CLASP2: variants seen among roughly 807,000 people sequenced by gnomAD.
CLASP2 encodes cytoplasmic linker associated protein 2.
Under a neutral mutation model 194.4 loss-of-function variants are expected in CLASP2, and 47 were observed. The observed-to-expected ratio is 0.24, with a 90% CI of 0.19 to 0.31. The LOEUF is 0.31. CLASP2 is among the 10% of genes least tolerant of loss of function. CLASP2 has a pLI of 1.00. For missense variants in CLASP2, 1,445 were observed against 1,823.6 expected, an observed-to-expected ratio of 0.79 and a Z score of 3.78; for synonymous variants, 619 against 633.5, an observed-to-expected ratio of 0.98 and a Z score of 0.34.
At chr3:33,559,036 C>A in intron 29 of CLASP2, 1 of 510,378 alleles carries the variant, frequency 2.0e-6, no homozygotes, top group Non-Finnish European at 3.6e-6. Flanking sequence ...GCGTAAAAGG[C>A]TTACAAAGGT....
chr3:33,573,278 G>A lies in CLASP2; in HGVS notation c.2531C>T (p.Ala844Val). ...AGAACTATAGGAGCGTTCTGAACAAGCACTAGATGCATCGCTGTTGGCGTC... is the reference window on the plus strand; with the variant it reads ...AGAACTATAGGAGCGTTCTGAACAAACACTAGATGCATCGCTGTTGGCGTC... ...DDDANSDASSACSERSYSSRN... is the reference protein window; with the variant it reads ...DDDANSDASSVCSERSYSSRN... The change falls in exon 25 of 39, where the codon GCT (alanine) becomes GTT (valine). Residue 844 changes from alanine (A) to valine (V), a missense_variant. By Grantham distance (64) the Ala-to-Val change is moderately conservative. Coordinates refer to ENST00000682230, the MANE Select transcript of CLASP2 (RefSeq NM_001365631.1). 1 of 1,613,836 alleles carries A rather than the reference G, an allele frequency of 6.2e-7. No individual in the cohort carries two copies. Among genetic ancestry groups the A allele is most frequent in the Non-Finnish European group, 8.5e-7 (1 of 1,179,812 alleles).
chr3:33,656,038 T>C (rs539678234), intron 7 of CLASP2, among the ~76,000 whole-genome samples: 1 of 152,314 alleles, frequency 6.6e-6, no homozygotes, highest in South Asian at 2.1e-4. Context: ...TTTTTAACTC[T>C]ATCTGGTTTG....
intron 27 of CLASP2, among the ~76,000 whole-genome samples, chr3:33,562,009 T>C (rs2061866554): frequency 6.6e-6 from 1 of 152,228 alleles, no homozygotes; most frequent in Non-Finnish European, 1.5e-5. Context: ...ATTTTATTTC[T>C]TGAATTCCCT....
intron 1 of CLASP2, among the ~76,000 whole-genome samples, chr3:33,700,418 C>T (rs966618995): frequency 2.0e-5 from 3 of 151,964 alleles, no homozygotes; most frequent in Non-Finnish European, 4.4e-5. Flanking sequence ...AAGCAAGACA[C>T]TGTCTCAAAC....
At chr3:33,524,985 G>C (rs548606187) in intron 34 of CLASP2, among the ~76,000 whole-genome samples, 1 of 152,164 alleles carries the variant, frequency 6.6e-6, no homozygotes, top group African/African-American at 2.4e-5. Flanking sequence ...AGACATATAT[G>C]GTGCACACAG....
chr3:33,623,925 G>C (rs1201089285), intron 10 of CLASP2, among the ~76,000 whole-genome samples: 1 of 152,006 alleles, frequency 6.6e-6, no homozygotes, highest in Non-Finnish European at 1.5e-5. Flanking sequence ...CTACTGAACA[G>C]GGAAAAACAG....
intron 1 of CLASP2, among the ~76,000 whole-genome samples, chr3:33,709,426 T>C (rs143570754): frequency 3.3e-5 from 5 of 152,294 alleles, no homozygotes; most frequent in Admixed American, 2.6e-4. Flanking sequence ...GTTGACTATA[T>C]ATGTGTGGAT....
chr3:33,677,976 G>T (rs934647955), intron 6 of CLASP2, among the ~76,000 whole-genome samples: 8 of 128,480 alleles, frequency 6.2e-5, no homozygotes, highest in Non-Finnish European at 1.2e-4. Flanking sequence ...TAAAATTAAA[G>T]AATGTCCTTA....
rs1339185977 is a variant in CLASP2 at position 33,551,939 on chromosome 3, G to GC, written c.3010-545_3010-544insG. Among the ~76,000 whole-genome samples the GC allele has an allele frequency of 3.0e-5, 4 of 131,334 alleles. No individual in the cohort carries two copies. In the Admixed American group the frequency reaches 3.1e-4, roughly 10 times the overall value. The allele number at this position is 131,334 out of a possible 152,430, so 86.2% of individuals were successfully genotyped here. A position where few individuals can be genotyped will look rare whatever the true frequency, so the allele number is the denominator to read the frequency against. The stretch of plus-strand genomic sequence containing the variant: ...GGTAGCAATCAAGGTGGGCAATATA[G>GC]TTTTTTTTTTTTTTTTTGGTAAAAC... On this transcript the variant is annotated intron_variant, in intron 29 of 38. Transcript: ENST00000682230.
intron 18 of CLASP2, among the ~76,000 whole-genome samples, chr3:33,597,690 A>AAGCT (rs2070814233): frequency 1.3e-5 from 2 of 151,788 alleles, no homozygotes; most frequent in African/African-American, 4.8e-5. Flanking sequence ...CGTGAGTCTT[A>AAGCT]AGCTAGCTTC....
At chr3:33,708,496 ATATATATATGTATATATATG>A (rs1255013778) in intron 1 of CLASP2, among the ~76,000 whole-genome samples, 2,431 of 88,948 alleles carry the variant, frequency 0.027, 68 homozygotes, top group African/African-American at 0.087. Context: ...GTATGTATAT[ATATATATATGTATATATATG>A]TATATATGTA....
intron 6 of CLASP2, chr3:33,683,340 T>A (rs2090119392): frequency 6.6e-6 from 1 of 152,222 alleles, no homozygotes; most frequent in African/African-American, 2.4e-5. Context: ...TTCAGCTGAC[T>A]GCAGTGGTTC....
intron 10 of CLASP2, among the ~76,000 whole-genome samples, chr3:33,624,729 T>C (rs772817255): frequency 2.6e-5 from 4 of 152,086 alleles, no homozygotes; most frequent in Admixed American, 6.6e-5. Context: ...TCTATCAAAG[T>C]ACGTTCTTAT....
At chr3:33,708,482 G>A (rs1464917078) in intron 1 of CLASP2, among the ~76,000 whole-genome samples, 4 of 52,606 alleles carry the variant, frequency 7.6e-5, no homozygotes, top group African/African-American at 2.6e-4. Flanking sequence ...GTGTGTGTGT[G>A]TGTGTATGTA....
chr3:33,700,636 A>G (rs548106002), intron 1 of CLASP2, among the ~76,000 whole-genome samples: 1 of 152,106 alleles, frequency 6.6e-6, no homozygotes, highest in African/African-American at 2.4e-5. Context: ...ACCTGAGGTC[A>G]GGAGTTCGAG....
intron 23 of CLASP2, among the ~76,000 whole-genome samples, chr3:33,579,662 T>C (rs1158132717): frequency 6.6e-6 from 1 of 152,208 alleles, no homozygotes; most frequent in Non-Finnish European, 1.5e-5. Flanking sequence ...GTGCTCATTA[T>C]GTGTCAAGCA....
At position 33,717,941 on chromosome 3, in the gene CLASP2, C is replaced by A. The variant is rs1442849766; in HGVS notation, c.62G>T (p.Arg21Leu). The A allele has an allele frequency of 1.3e-6, 2 of 1,546,936 alleles. No homozygotes were observed. The highest frequency in any genetic ancestry group is 4.9e-5 in the East Asian group (2 of 40,934). Residue 21 changes from arginine (R) to leucine (L), a missense_variant, in exon 1 of 39, where the codon CGG (arginine) becomes CTG (leucine). Arg to Leu is a moderately radical substitution (Grantham distance 102). Coordinates refer to ENST00000682230, the MANE Select transcript of CLASP2 (RefSeq NM_001365631.1). The part of the protein sequence containing the change: ...AQVQQKDVGG[R>L]LQVGQELLLY... ...CAGGAGCTCCTGGCCGACCTGCAGC[C>A]GGCCGCCGACGTCCTTCTGCTGCAC...
chr3:33,690,048 A>G (rs1187714629), intron 2 of CLASP2, 116 bp from the exon 3 acceptor site: 3 of 620,354 alleles, frequency 4.8e-6, no homozygotes, highest in Non-Finnish European at 7.6e-6. Flanking sequence ...TGTGAGGTAA[A>G]GAAATTGTTT....
At chr3:33,574,489 C>T in intron 24 of CLASP2, 1 of 1,509,566 alleles carries the variant, frequency 6.6e-7, no homozygotes, top group Non-Finnish European at 8.9e-7. Context: ...CCGTATGTCT[C>T]CTAAGAGCTG....
Sources: gnomAD v4.1 joint callset for allele counts (sites outside exome capture counted in the v4.1 genomes callset) on GRCh38, gnomAD v4.1.1 for gene constraint, MANE v1.5 for transcripts, NCBI Gene and HGNC (gene_info 2026-07-23, HGNC 2026-07-21) for gene names.